Variants in ATR observed in about 807,000 individuals in gnomAD.
ATR encodes serine/threonine-protein kinase ATR.
Under a neutral mutation model 305.3 loss-of-function variants are expected in ATR, and 142 were observed. The observed-to-expected ratio is 0.47, with a 90% confidence interval of 0.41 to 0.53. The LOEUF is 0.53. Among genes scored for constraint, ATR ranks in the 20% least tolerant of loss-of-function variants. The pLI is 0.00. For synonymous variants in ATR, 1,050 were observed against 1,068.1 expected (o/e 0.98, Z 0.33); for missense variants, 2,135 against 3,133.1 (o/e 0.68, Z 7.60).
chr3:142,553,215 G>A lies in ATR; in HGVS notation c.2805+12C>T, dbSNP rs778188323. On this transcript the variant is annotated intron_variant, in intron 13 of 46. Transcript: ENST00000350721. ...GCTGTTGCCTATAGTCCAGACAAACGCTGACTCTTACCTGACAGATGGGTT... is the reference window on the plus strand; with the variant it reads ...GCTGTTGCCTATAGTCCAGACAAACACTGACTCTTACCTGACAGATGGGTT... 15 of 1,613,438 alleles carry A rather than the reference G, an allele frequency of 9.3e-6. No homozygotes were observed. The highest frequency in any genetic ancestry group is 8.3e-5 in the Admixed American group (5 of 59,974).
intron 1 of ATR, among the ~76,000 whole-genome samples, chr3:142,574,240 G>A (rs922930983): frequency 1.3e-5 from 2 of 152,140 alleles, no homozygotes; most frequent in Middle Eastern, 3.4e-3. Flanking sequence ...TGAGGTGGGC[G>A]GATCACTTGA....
chr3:142,488,513 T>C (rs2031087075), intron 35 of ATR, among the ~76,000 whole-genome samples: 1 of 152,198 alleles, frequency 6.6e-6, no homozygotes, highest in Non-Finnish European at 1.5e-5. Flanking sequence ...GAATCCTTAA[T>C]TCTAGACAGA....
intron 26 of ATR, among the ~76,000 whole-genome samples, chr3:142,512,808 G>C (rs1400830200): frequency 6.6e-6 from 1 of 152,002 alleles, no homozygotes; most frequent in Non-Finnish European, 1.5e-5. Context: ...TGAGCCAAGA[G>C]CATCACTGCA....
chr3:142,496,738 C>A (rs2031668334), intron 33 of ATR, among the ~76,000 whole-genome samples: 1 of 152,014 alleles, frequency 6.6e-6, no homozygotes, highest in Non-Finnish European at 1.5e-5. Context: ...TTACAGTGTT[C>A]TGTTTTACCT....
At chr3:142,453,619 C>T (rs1408655561) in intron 45 of ATR, among the ~76,000 whole-genome samples, 3 of 152,148 alleles carry the variant, frequency 2.0e-5, no homozygotes, top group Non-Finnish European at 4.4e-5. Flanking sequence ...CTTTTTTCTG[C>T]ACCCTAAACA....
chr3:142,452,052 T>A, intron 46 of ATR: 1 of 1,032,204 alleles, frequency 9.7e-7, no homozygotes, highest in Non-Finnish European at 1.2e-6. Context: ...ACCCTACAGA[T>A]GAAGATAATA....
intron 36 of ATR, among the ~76,000 whole-genome samples, chr3:142,475,497 T>C (rs1231898670): frequency 6.6e-6 from 1 of 152,242 alleles, no homozygotes; most frequent in Non-Finnish European, 1.5e-5. Context: ...CAGTCTATCA[T>C]TGTTGGACAT....
rs1421608975 is a variant in ATR, at chr3:142,566,276, T to C, written c.152-15A>G. 1 of 1,612,410 alleles carries C rather than the reference T, an allele frequency of 6.2e-7. No homozygotes were observed. Among genetic ancestry groups the C allele is most frequent in the South Asian group, 1.1e-5 (1 of 91,044 alleles). ...TTCTACAGCAACTAAAACAATAAGA[T>C]TCATTTTAAAGAGTCATGACAAATT... On this transcript the variant is annotated splice_polypyrimidine_tract_variant and intron_variant, in intron 2 of 46. Coordinates refer to ENST00000350721, the MANE Select transcript of ATR (RefSeq NM_001184.4).
chr3:142,540,893 C>T lies in ATR; in HGVS notation c.3581+11G>A. ...AAAAAAAAAAATTAATAAACTCAGG[C>T]AGTCATTTACCTGCAACACAATTCA... On this transcript the variant is annotated intron_variant, in intron 18 of 46. Coordinates refer to ENST00000350721, the MANE Select transcript of ATR (RefSeq NM_001184.4). The T allele has an allele frequency of 6.2e-7, 1 of 1,600,496 alleles. No individual in the cohort carries two copies. Among genetic ancestry groups the T allele is most frequent in the South Asian group, 1.1e-5 (1 of 89,286 alleles).
chr3:142,523,486 G>C (rs1380697322), intron 22 of ATR, among the ~76,000 whole-genome samples: 1 of 152,104 alleles, frequency 6.6e-6, no homozygotes, highest in African/African-American at 2.4e-5. Flanking sequence ...AGAGTCATCT[G>C]AGAACCTCTA....
chr3:142,450,981 C>G, intron 46 of ATR: 1 of 1,220,758 alleles, frequency 8.2e-7, no homozygotes, highest in Non-Finnish European at 1.0e-6. Context: ...CACTCAAAAT[C>G]AGAACAACAA....
At chr3:142,549,350 C>A in intron 15 of ATR, 129 bp downstream of exon 15, 2 of 619,554 alleles carry the variant, frequency 3.2e-6, no homozygotes, top group South Asian at 3.2e-5. Context: ...TTTAACATAA[C>A]AACATTTAAA....
chr3:142,543,511 TTCTC>T (rs976605639), intron 16 of ATR, among the ~76,000 whole-genome samples: 3 of 148,672 alleles, frequency 2.0e-5, no homozygotes, highest in Admixed American at 6.8e-5. Flanking sequence ...TCCTCCCTCT[TTCTC>T]TTTCTTTCTT....
intron 25 of ATR, 65 bp downstream of exon 25, chr3:142,515,330 C>G: frequency 6.3e-7 from 1 of 1,589,500 alleles, no homozygotes; most frequent in South Asian, 1.1e-5. Context: ...GCTAGGCATT[C>G]AGATAGATGT....
At chr3:142,483,265 C>T (rs569216668) in intron 36 of ATR, among the ~76,000 whole-genome samples, 11 of 152,022 alleles carry the variant, frequency 7.2e-5, no homozygotes, top group Non-Finnish European at 1.3e-4. Context: ...CTGAAGATAT[C>T]CTTCCATGTA....
chr3:142,449,796 T>C (rs989565550), intron 46 of ATR, 194 bp from the exon 47 acceptor site: 2 of 606,744 alleles, frequency 3.3e-6, no homozygotes, highest in Admixed American at 2.8e-5. Flanking sequence ...GCTCGCAAGA[T>C]TGATTCAACA....
chr3:142,552,250 G>A (rs983968264), intron 13 of ATR, among the ~76,000 whole-genome samples: 18 of 152,076 alleles, frequency 1.2e-4, no homozygotes, highest in African/African-American at 4.1e-4. Context: ...AAGACCTAGA[G>A]GCAGAAATAC....
At chr3:142,574,900 T>TA (rs1427590721) in intron 1 of ATR, among the ~76,000 whole-genome samples, 1 of 152,204 alleles carries the variant, frequency 6.6e-6, no homozygotes, top group African/African-American at 2.4e-5. Context: ...TCTATGTGGC[T>TA]AAAGCCTTTA....
rs972463127 is a variant in ATR, at chr3:142,562,232, C to T, written c.1170G>A (p.Glu390=). 2 of 1,613,728 alleles carry T rather than the reference C, an allele frequency of 1.2e-6. No individual in the cohort carries two copies. The highest frequency in any genetic ancestry group is 1.7e-6 in the Non-Finnish European group (2 of 1,179,916). Residue 390 remains glutamate, a splice_region_variant and synonymous_variant, in exon 4 of 47, where the codon GAG becomes GAA. Transcript: ENST00000350721. ...ACTAGTAACCTGAAAAATTACTTAC[C>T]TCTGCATCTACCTCAATTCCAAGCA... ...LDVLGIEVDA[E]YLLGPLYAAL...
Sources: allele counts gnomAD v4.1 joint callset (sites outside exome capture counted in the v4.1 genomes callset), GRCh38; gene constraint gnomAD v4.1.1; transcripts MANE v1.5; gene names NCBI Gene and HGNC (gene_info 2026-07-23, HGNC 2026-07-21).